Variants in CDH6 observed in about 807,000 individuals in gnomAD.
The protein encoded by CDH6 is cadherin-6.
A neutral mutation model predicts 78.0 loss-of-function variants in CDH6; 31 were observed. That is an observed-to-expected ratio of 0.40 (90% confidence interval 0.30 to 0.54). The LOEUF (loss-of-function observed/expected upper bound fraction) is 0.54, where lower values mean the gene tolerates loss of function less well. Among genes scored for constraint, CDH6 ranks in the 20% least tolerant of loss-of-function variants. The probability of loss-of-function intolerance (pLI) is 0.56; values close to 1 mark genes in which losing one functional copy is unlikely to be tolerated. For missense variants in CDH6, 724 were observed against 975.9 expected, an observed-to-expected ratio of 0.74 and a Z score of 3.44; for synonymous variants, 376 against 368.8, an observed-to-expected ratio of 1.02 and a Z score of -0.23.
chr5:31,296,224 C>A (rs1460128196), intron 3 of CDH6, among the ~76,000 whole-genome samples: 1 of 152,128 alleles, frequency 6.6e-6, no homozygotes, highest in African/African-American at 2.4e-5. Flanking sequence ...TACTGGTTAT[C>A]TGATACAAAT....
At position 31,325,113 on chromosome 5, in the gene CDH6, A is replaced by G. The variant is rs1332736666; in HGVS notation, c.*1805A>G. On this transcript the variant is annotated 3_prime_UTR_variant, in exon 12 of 12. Transcript: ENST00000265071. ...TTTTAAATAGGTGTATTACCCAAGA[A>G]GTAAAGATGGAAACGTTAAAAGAAG... 8.9e-6 allele frequency: 2 copies of G among 225,138 alleles called. No homozygotes were observed. Among genetic ancestry groups the G allele is most frequent in the African/African-American group, 4.4e-5 (2 of 45,010 alleles). 13.9% of individuals were successfully genotyped at this position (225,138 alleles called of 1,614,324 possible).
intron 6 of CDH6, among the ~76,000 whole-genome samples, chr5:31,302,899 G>GAAA (rs1202118631): frequency 9.6e-6 from 1 of 104,520 alleles, no homozygotes. Context: ...AAGAAAGAAA[G>GAAA]AAAAAAAGAA....
chr5:31,245,742 C>T (rs543627195), intron 1 of CDH6, among the ~76,000 whole-genome samples: 4 of 152,256 alleles, frequency 2.6e-5, no homozygotes, highest in African/African-American at 7.2e-5. Flanking sequence ...CTCCTCAAAG[C>T]ATGTTTTTAA....
At chr5:31,307,776 A>C (rs1400770109) in intron 7 of CDH6, among the ~76,000 whole-genome samples, 1 of 152,202 alleles carries the variant, frequency 6.6e-6, no homozygotes, top group Non-Finnish European at 1.5e-5. Flanking sequence ...CTTTTTTTTA[A>C]TTAAAAGAGA....
intron 1 of CDH6, among the ~76,000 whole-genome samples, chr5:31,256,698 C>T (rs1446198307): frequency 6.6e-6 from 1 of 152,166 alleles, no homozygotes; most frequent in Non-Finnish European, 1.5e-5. Context: ...TCCCCTGAGA[C>T]CCCAAAACTT....
At chr5:31,204,370 A>G (rs561402714) in intron 1 of CDH6, among the ~76,000 whole-genome samples, 1 of 152,330 alleles carries the variant, frequency 6.6e-6, no homozygotes, top group Non-Finnish European at 1.5e-5. Context: ...CTGAATAACC[A>G]CTTTCTCCCC....
At position 31,205,412 on chromosome 5, in the gene CDH6, C is replaced by G. The variant is rs538672986; in HGVS notation, c.-129+11526C>G. Among the ~76,000 whole-genome samples the G allele has an allele frequency of 3.3e-5, 5 of 152,252 alleles. No individual in the cohort carries two copies. In the East Asian group the frequency reaches 9.6e-4, roughly 29 times the overall value. On this transcript the variant is annotated intron_variant, in intron 1 of 11. Transcript: ENST00000265071. ...GCCCAGCTTTCAATAACGGAGCCACCAGCCCTCACCTTCCTCCAGGCAGGC... is the reference window on the plus strand; with the variant it reads ...GCCCAGCTTTCAATAACGGAGCCACGAGCCCTCACCTTCCTCCAGGCAGGC...
Position 31,305,319 on chromosome 5 carries a change from T to G in CDH6, c.1145T>G (p.Val382Gly). 1 of 1,614,136 alleles carries G rather than the reference T, an allele frequency of 6.2e-7. No homozygotes were observed. Among genetic ancestry groups the G allele is most frequent in the Non-Finnish European group, 8.5e-7 (1 of 1,180,006 alleles). Reference protein sequence around the residue: ...IVVEDVDEPPVFSKLAYILQI... With the variant: ...IVVEDVDEPPGFSKLAYILQI... ...GTGGAGGATGTAGATGAGCCACCTG[T>G]CTTCAGCAAACTGGCCTACATCTTA... Residue 382 changes from valine (V) to glycine (G), a missense_variant, in exon 7 of 12, where the codon GTC becomes GGC. Val to Gly is a moderately radical substitution (Grantham distance 109, BLOSUM62 -3). Around this residue, in one of 3 missense-constraint regions of CDH6, gnomAD observed 446 missense variants for 684.5 expected, o/e 0.65. Coordinates refer to ENST00000265071, the MANE Select transcript of CDH6 (RefSeq NM_004932.4).
At chr5:31,228,867 T>C (rs1741237726) in intron 1 of CDH6, among the ~76,000 whole-genome samples, 1 of 152,190 alleles carries the variant, frequency 6.6e-6, no homozygotes, top group Non-Finnish European at 1.5e-5. Context: ...GCCCCAGAGG[T>C]TGGGGAACCC....
chr5:31,319,464 C>A (rs1738419757), intron 11 of CDH6, among the ~76,000 whole-genome samples: 1 of 152,192 alleles, frequency 6.6e-6, no homozygotes, highest in African/African-American at 2.4e-5. Context: ...TCCTCAGCAC[C>A]ATTTGGTGTA....
chr5:31,207,869 A>G (rs1740578622), intron 1 of CDH6, among the ~76,000 whole-genome samples: 1 of 152,224 alleles, frequency 6.6e-6, no homozygotes, highest in Admixed American at 6.5e-5. Context: ...GGTTACACCC[A>G]ACAGAAGGGA....
intron 1 of CDH6, among the ~76,000 whole-genome samples, chr5:31,246,460 G>C (rs1404447991): frequency 6.6e-6 from 1 of 152,112 alleles, no homozygotes; most frequent in East Asian, 1.9e-4. Flanking sequence ...TCAGGGGGAG[G>C]AAGCTCCACC....
intron 7 of CDH6, among the ~76,000 whole-genome samples, chr5:31,307,690 G>A (rs1276542446): frequency 1.3e-5 from 2 of 152,314 alleles, no homozygotes; most frequent in Non-Finnish European, 2.9e-5. Context: ...TAGCAAGTAA[G>A]TATCAAATTC....
At chr5:31,314,645 G>C (rs1189300167) in intron 8 of CDH6, among the ~76,000 whole-genome samples, 2 of 151,984 alleles carry the variant, frequency 1.3e-5, no homozygotes, top group Non-Finnish European at 2.9e-5. Context: ...GATTTATCTT[G>C]AAGTTCATGT....
chr5:31,317,568 T>C lies in CDH6; in HGVS notation c.1630+76T>C, dbSNP rs1738359163. 13 of 1,516,162 alleles carry C rather than the reference T, an allele frequency of 8.6e-6. No homozygotes were observed. The South Asian group carries it at 1.4e-4, about 17-fold the overall frequency. The allele number at this position is 1,516,162 out of a possible 1,614,324, so 93.9% of individuals were successfully genotyped here. A position where few individuals can be genotyped will look rare whatever the true frequency, so the allele number is the denominator to read the frequency against. ...CTGTTTCTGTATGTATATGTGTATA[T>C]GTATATGTACATATCTGTATCTATA... is the stretch of plus-strand genomic sequence containing the variant. On this transcript the variant is annotated intron_variant, in intron 10 of 11. Transcript: ENST00000265071.
rs1227602808 is a variant in CDH6 at position 31,326,073 on chromosome 5, A to G, written c.*2765A>G. ...CAACATGAAAGATTATTGGAGAAAAAAATAATTTTCAGCCCAGTTTTTTCA... is the reference window on the plus strand; with the variant it reads ...CAACATGAAAGATTATTGGAGAAAAGAATAATTTTCAGCCCAGTTTTTTCA... On this transcript the variant is annotated 3_prime_UTR_variant, in exon 12 of 12. Coordinates refer to ENST00000265071, the MANE Select transcript of CDH6 (RefSeq NM_004932.4). The G allele has an allele frequency of 2.4e-5, 5 of 207,048 alleles. No homozygotes were observed. The highest frequency in any genetic ancestry group is 9.1e-5 in the African/African-American group (4 of 44,020). The allele number at this position is 207,048 out of a possible 1,614,324, so 12.8% of individuals were successfully genotyped here. A position where few individuals can be genotyped will look rare whatever the true frequency, so the allele number is the denominator to read the frequency against.
At chr5:31,235,862 C>A (rs995888109) in intron 1 of CDH6, among the ~76,000 whole-genome samples, 3 of 152,084 alleles carry the variant, frequency 2.0e-5, no homozygotes, top group Non-Finnish European at 2.9e-5. Flanking sequence ...AATTGTTTTA[C>A]AATTTTTACA....
Position 31,305,168 on chromosome 5 carries a change from C to T in CDH6, c.1000-6C>T. The T allele has an allele frequency of 6.2e-7, 1 of 1,607,006 alleles. No homozygotes were observed. Among genetic ancestry groups the T allele is most frequent in the Non-Finnish European group, 8.5e-7 (1 of 1,176,082 alleles). On this transcript the variant is annotated splice_region_variant and splice_polypyrimidine_tract_variant and intron_variant, in intron 6 of 11. Coordinates refer to ENST00000265071, the MANE Select transcript of CDH6 (RefSeq NM_004932.4). ...TGTCACTTCTTCCCCCACCCCCAAC[C>T]TCAAGCTCTTGGACTTTGAAAAGAA...
At chr5:31,217,139 G>C (rs984238637) in intron 1 of CDH6, among the ~76,000 whole-genome samples, 3 of 152,136 alleles carry the variant, frequency 2.0e-5, no homozygotes, top group African/African-American at 4.8e-5. Flanking sequence ...GTGTTGAATA[G>C]TCAATTTTCC....
Sources: allele counts gnomAD v4.1 joint callset (sites outside exome capture counted in the v4.1 genomes callset), GRCh38; gene constraint gnomAD v4.1.1; regional missense constraint gnomAD v4.1.1; transcripts MANE v1.5; gene names NCBI Gene and HGNC (gene_info 2026-07-23, HGNC 2026-07-21).